Variants in ADGRL2 observed in about 807,000 individuals in gnomAD.
ADGRL2 encodes the protein calcium-independent alpha-latrotoxin receptor 2.
ADGRL2 carries 44 observed loss-of-function variants against 157.4 expected under a neutral mutation model. The ratio of observed to expected loss-of-function variants is 0.28; its 90% CI spans 0.22 to 0.36. The LOEUF is 0.36. Ranked by LOEUF, ADGRL2 falls within the 10% of genes least tolerant of loss-of-function variation. The pLI, the probability that ADGRL2 is intolerant of heterozygous loss-of-function variation, is 1.00. For synonymous variants in ADGRL2, 585 were observed against 624.7 expected, an observed-to-expected ratio of 0.94 and a Z score of 0.95; for missense variants, 1,510 against 1,768.9, an observed-to-expected ratio of 0.85 and a Z score of 2.63.
chr1:81,933,378 A>G lies in ADGRL2; in HGVS notation c.288-3350A>G, dbSNP rs142800790. On this transcript the variant is annotated intron_variant, in intron 3 of 23. Coordinates refer to ENST00000686636, the MANE Select transcript of ADGRL2 (RefSeq NM_001366006.2). The stretch of plus-strand genomic sequence containing the variant: ...TACTGATAGTTTGATTGTTAAAACA[A>G]TGATACCTTTATTGGTAAAGAAATC... Among the ~76,000 whole-genome samples, 365 of 152,354 alleles carry G rather than the reference A, an allele frequency of 2.4e-3. 1 individual carries two copies. Among genetic ancestry groups the G allele is most frequent in the African/African-American group, 8.2e-3 (341 of 41,592 alleles).
At chr1:81,984,412 T>C in intron 19 of ADGRL2, 171 bp from the exon 20 acceptor site, 1 of 579,414 alleles carries the variant, frequency 1.7e-6, no homozygotes, top group Non-Finnish European at 2.9e-6. Flanking sequence ...TTCTGATTAC[T>C]ATTTCAGTAA....
At position 81,471,746 on chromosome 1, in the gene ADGRL2, C is replaced by T. The variant is rs187386919; in HGVS notation, c.-248+26657C>T. Among the ~76,000 whole-genome samples the T allele has an allele frequency of 2.6e-5, 4 of 152,242 alleles. No individual in the cohort carries two copies. The East Asian group carries it at 7.7e-4, about 29-fold the overall frequency. ...TCTGCAGGTACTTAACTTGTGGAAA[C>T]AGCAACGAGGTCTTTATTATTCAAA... On this transcript the variant is annotated intron_variant, in intron 2 of 24. Transcript: ENST00000370721.
chr1:81,910,172 G>A (rs670443), intron 3 of ADGRL2, among the ~76,000 whole-genome samples: 10,611 of 151,386 alleles, frequency 0.07, 1,130 homozygotes, highest in African/African-American at 0.23. Flanking sequence ...CCCAAGAGAC[G>A]GAGGTTGCAG....
At chr1:81,444,213 AT>A (rs2077560006) in intron 1 of ADGRL2, among the ~76,000 whole-genome samples, 1 of 152,262 alleles carries the variant, frequency 6.6e-6, no homozygotes, top group Non-Finnish European at 1.5e-5. Context: ...ACTGATACTA[AT>A]GCAAGACAGG....
chr1:81,495,112 C>T (rs988886984), intron 2 of ADGRL2, among the ~76,000 whole-genome samples: 2 of 152,118 alleles, frequency 1.3e-5, no homozygotes, highest in African/African-American at 4.8e-5. Flanking sequence ...AGGAAATCTC[C>T]TGTTCTCCCT....
chr1:81,454,408 A>G (rs1298980852), intron 2 of ADGRL2, among the ~76,000 whole-genome samples: 1 of 152,212 alleles, frequency 6.6e-6, no homozygotes, highest in Non-Finnish European at 1.5e-5. Context: ...CTTGTGATAT[A>G]GATTTCCAAG....
chr1:81,361,753 T>C (rs116524845), intron 1 of ADGRL2, among the ~76,000 whole-genome samples: 269 of 152,062 alleles, frequency 1.8e-3, no homozygotes, highest in African/African-American at 6.4e-3. Context: ...CCCTGAATAT[T>C]TTATGCAAGA....
chr1:81,415,953 GC>G (rs1438582976), intron 1 of ADGRL2, among the ~76,000 whole-genome samples: 6 of 150,890 alleles, frequency 4.0e-5, no homozygotes, highest in Admixed American at 6.7e-5. Context: ...CCATTCTCCT[GC>G]CTCAGCCTCC....
chr1:81,807,188 A>G (rs566520248), intron 1 of ADGRL2, among the ~76,000 whole-genome samples: 2 of 152,136 alleles, frequency 1.3e-5, no homozygotes, highest in East Asian at 3.9e-4. Context: ...AAGTTCTGTG[A>G]ATGTTTTGGT....
At chr1:81,537,831 C>A (rs2079781781) in intron 2 of ADGRL2, among the ~76,000 whole-genome samples, 1 of 151,886 alleles carries the variant, frequency 6.6e-6, no homozygotes, top group Non-Finnish European at 1.5e-5. Context: ...TCCCAAGTAC[C>A]TGGGATTACA....
chr1:81,370,516 T>G (rs1570750523), intron 1 of ADGRL2, among the ~76,000 whole-genome samples: 1 of 152,260 alleles, frequency 6.6e-6, no homozygotes, highest in East Asian at 1.9e-4. Flanking sequence ...TAAGTGCTAT[T>G]GTTCCTACAT....
chr1:81,970,533 G>A lies in ADGRL2; in HGVS notation c.2953G>A (p.Ala985Thr), dbSNP rs778365141. ...IDYKSYGTEKACWLHVDNYFI... is the reference protein window; with the variant it reads ...IDYKSYGTEKTCWLHVDNYFI... The stretch of plus-strand genomic sequence containing the variant: ...CTATAAGAGCTATGGAACAGAAAAA[G>A]CGTAAGTAATTGCAAGCGACCTGAG... Residue 985 changes from alanine (A) to threonine (T), a missense_variant and splice_region_variant, in exon 16 of 24, where the codon GCT (alanine) becomes ACT (threonine). Transcript: ENST00000686636. The A allele has an allele frequency of 5.6e-6, 9 of 1,606,186 alleles. No individual in the cohort carries two copies. The highest frequency in any genetic ancestry group is 1.3e-5 in the African/African-American group (1 of 74,500).
At chr1:81,587,511 T>G (rs1457428731) in intron 3 of ADGRL2, among the ~76,000 whole-genome samples, 1 of 152,064 alleles carries the variant, frequency 6.6e-6, no homozygotes, top group Non-Finnish European at 1.5e-5. Flanking sequence ...AAGAAGAAGT[T>G]GTTGACTATG....
chr1:81,502,984 C>T, intron 2 of ADGRL2: 1 of 1,613,426 alleles, frequency 6.2e-7, no homozygotes, highest in Non-Finnish European at 8.5e-7. Flanking sequence ...AGTGGCTGTG[C>T]CAAATCGTCT....
intron 3 of ADGRL2, among the ~76,000 whole-genome samples, chr1:81,650,324 C>A (rs1421871596): frequency 2.0e-5 from 3 of 152,036 alleles, no homozygotes; most frequent in Admixed American, 1.3e-4. Flanking sequence ...GTAATCCCAG[C>A]ACTTTGGGAA....
intron 2 of ADGRL2, among the ~76,000 whole-genome samples, chr1:81,841,277 T>C (rs1049431405): frequency 1.3e-5 from 2 of 152,138 alleles, no homozygotes; most frequent in African/African-American, 4.8e-5. Flanking sequence ...TTTATATAAA[T>C]CAAGAAAATA....
At chr1:81,916,126 T>A (rs2094849447) in intron 3 of ADGRL2, among the ~76,000 whole-genome samples, 2 of 152,194 alleles carry the variant, frequency 1.3e-5, no homozygotes, top group South Asian at 4.1e-4. Context: ...GTTAAATGTA[T>A]TTACTTACTG....
chr1:81,598,333 A>C (rs771063782), intron 3 of ADGRL2, among the ~76,000 whole-genome samples: 11 of 152,164 alleles, frequency 7.2e-5, no homozygotes, highest in Non-Finnish European at 1.2e-4. Context: ...AATAGATGTC[A>C]TTTCTTGTTC....
intron 2 of ADGRL2, among the ~76,000 whole-genome samples, chr1:81,840,026 G>A (rs1014505172): frequency 3.3e-5 from 5 of 150,744 alleles, no homozygotes; most frequent in Admixed American, 6.7e-5. Flanking sequence ...TTGGTTCCAC[G>A]ATTTTGCAGT....
Sources: allele counts gnomAD v4.1 joint callset (sites outside exome capture counted in the v4.1 genomes callset), GRCh38; gene constraint gnomAD v4.1.1; transcripts MANE v1.5; gene names NCBI Gene and HGNC (gene_info 2026-07-23, HGNC 2026-07-21).